NCKAP1: variants seen among roughly 807,000 people sequenced by gnomAD.
The protein encoded by NCKAP1 is NCK associated protein 1, also known as nck-associated protein 1.
A neutral mutation model predicts 151.2 loss-of-function variants in NCKAP1; 21 were observed. The ratio of observed to expected loss-of-function variants is 0.14; its 90% confidence interval spans 0.10 to 0.20. The LOEUF is 0.20. Ranked by LOEUF, NCKAP1 falls within the 10% of genes least tolerant of loss-of-function variation. The pLI is 1.00. For missense variants in NCKAP1, 933 were observed against 1,352.1 expected, an observed-to-expected ratio of 0.69 and a Z score of 4.86; for synonymous variants, 484 against 451.8, an observed-to-expected ratio of 1.07 and a Z score of -0.90.
At position 182,917,747 on chromosome 2, in the gene NCKAP1, T is replaced by G. The variant is rs1696490645; in HGVS notation, c.*7955A>C. 1 of 152,228 alleles carries G rather than the reference T, an allele frequency of 6.6e-6. No individual in the cohort carries two copies. The highest frequency in any genetic ancestry group is 1.5e-5 in the Non-Finnish European group (1 of 68,038). 9.4% of individuals were successfully genotyped at this position (152,228 alleles called of 1,614,324 possible). A position where few individuals can be genotyped will look rare whatever the true frequency, so the allele number is the denominator to read the frequency against. On this transcript the variant is annotated 3_prime_UTR_variant, in exon 31 of 31. Coordinates refer to ENST00000361354, the MANE Select transcript of NCKAP1 (RefSeq NM_013436.5). ...TTTTGTTAACATAGAGAGTAAGTAC[T>G]GTGTGAGCTTGAGATTTAAAACTAA...
chr2:182,977,503 A>G (rs1697850001), intron 14 of NCKAP1, among the ~76,000 whole-genome samples: 1 of 152,184 alleles, frequency 6.6e-6, no homozygotes, highest in Non-Finnish European at 1.5e-5. Context: ...AATAAAATAA[A>G]TAAATATCAT....
intron 23 of NCKAP1, among the ~76,000 whole-genome samples, chr2:182,946,299 C>G (rs1367382469): frequency 3.3e-5 from 5 of 152,000 alleles, no homozygotes; most frequent in Admixed American, 2.0e-4. Flanking sequence ...ACTCAGGAGG[C>G]TGAGCCAGGA....
At chr2:183,018,003 C>T (rs1347012723) in intron 2 of NCKAP1, among the ~76,000 whole-genome samples, 1 of 152,068 alleles carries the variant, frequency 6.6e-6, no homozygotes, top group Non-Finnish European at 1.5e-5. Flanking sequence ...TAATCCAGCA[C>T]TTTGGGAGGC....
At chr2:182,943,231 A>G (rs768709235) in intron 23 of NCKAP1, among the ~76,000 whole-genome samples, 28 of 152,156 alleles carry the variant, frequency 1.8e-4, no homozygotes, top group Non-Finnish European at 3.5e-4. Flanking sequence ...AAGGTGCAGC[A>G]AGCATATAAA....
intron 7 of NCKAP1, 150 bp downstream of exon 7, chr2:182,995,551 G>T: frequency 1.5e-6 from 1 of 654,582 alleles, no homozygotes; most frequent in Non-Finnish European, 2.4e-6. Flanking sequence ...TAAAAAATCT[G>T]AACAATATGA....
At position 182,910,772 on chromosome 2, in the gene NCKAP1, ACTC is replaced by A. The variant is rs532473297; in HGVS notation, c.*14927_*14929del. The A allele has an allele frequency of 5.3e-5, 8 of 152,140 alleles. No homozygotes were observed. In the South Asian group the frequency reaches 1.7e-3, roughly 32 times the overall value. The allele number at this position is 152,140 out of a possible 1,614,324, so 9.4% of individuals were successfully genotyped here. A position where few individuals can be genotyped will look rare whatever the true frequency, so the allele number is the denominator to read the frequency against. ...CCTGGCAATGCAATCTAATTTCTTC[ACTC>A]CTCATCTTGAGGGGTAAGTGGGCAA... On this transcript the variant is annotated 3_prime_UTR_variant, in exon 31 of 31. Coordinates refer to ENST00000361354, the MANE Select transcript of NCKAP1 (RefSeq NM_013436.5).
chr2:182,990,201 T>C (rs908256752), intron 8 of NCKAP1, among the ~76,000 whole-genome samples: 3 of 150,978 alleles, frequency 2.0e-5, no homozygotes, highest in Non-Finnish European at 3.0e-5. Context: ...GTATTCTTTC[T>C]TTTTTTTTCT....
chr2:183,013,076 T>C (rs983334084), intron 2 of NCKAP1, among the ~76,000 whole-genome samples: 6 of 152,150 alleles, frequency 3.9e-5, no homozygotes, highest in Non-Finnish European at 7.3e-5. Flanking sequence ...TTCATGATCA[T>C]TGACCACAAC....
At chr2:182,943,792 G>A (rs1264974942) in intron 23 of NCKAP1, among the ~76,000 whole-genome samples, 1 of 152,104 alleles carries the variant, frequency 6.6e-6, no homozygotes, top group Non-Finnish European at 1.5e-5. Flanking sequence ...AATTAAGGTA[G>A]GTAATATTCC....
chr2:182,996,520 C>A (rs1367612088), intron 6 of NCKAP1, among the ~76,000 whole-genome samples: 6 of 151,924 alleles, frequency 3.9e-5, no homozygotes, highest in Non-Finnish European at 5.9e-5. Context: ...TGCAGTGGTG[C>A]GATCTCAGCT....
intron 27 of NCKAP1, 129 bp downstream of exon 27, chr2:182,930,566 T>C (rs1696742303): frequency 2.9e-6 from 2 of 699,458 alleles, no homozygotes; most frequent in African/African-American, 3.6e-5. Context: ...GTACCAGCAA[T>C]AATAATAACA....
chr2:183,029,614 A>C (rs151193028), intron 1 of NCKAP1, among the ~76,000 whole-genome samples: 5 of 152,028 alleles, frequency 3.3e-5, no homozygotes, highest in Admixed American at 2.6e-4. Context: ...TGGAGCCCAC[A>C]AGTTTGAGAC....
chr2:183,012,668 A>G, intron 2 of NCKAP1, among the ~76,000 whole-genome samples: 1 of 146,650 alleles, frequency 6.8e-6, no homozygotes, highest in Non-Finnish European at 1.5e-5. Flanking sequence ...CCCAGAGTGT[A>G]GTGGCATGAT....
intron 24 of NCKAP1, among the ~76,000 whole-genome samples, chr2:182,939,980 A>G (rs1228275233): frequency 3.9e-5 from 6 of 152,228 alleles, no homozygotes; most frequent in Non-Finnish European, 8.8e-5. Context: ...ATTATACACA[A>G]AATTCAAGTA....
rs74808392 is a variant in NCKAP1 at position 182,979,372 on chromosome 2, T to C, written c.1342-457A>G. 4.3e-3 allele frequency among the ~76,000 whole-genome samples: 652 copies of C among 152,222 alleles called. 5 individuals are homozygous for C. The highest frequency in any genetic ancestry group is 0.015 in the African/African-American group (636 of 41,580). On this transcript the variant is annotated intron_variant, in intron 13 of 30. Transcript: ENST00000361354. ...ATTTACAACATGCACTAAAAATGAATGATTTTTGTTGTCTGTATGTTAGGC... is the reference window on the plus strand; with the variant it reads ...ATTTACAACATGCACTAAAAATGAACGATTTTTGTTGTCTGTATGTTAGGC...
In NCKAP1 at chr2:182,957,629, C is replaced by T. The variant is rs374095803; in HGVS notation, c.1882-33G>A. 52 of 1,601,560 alleles carry T rather than the reference C, an allele frequency of 3.2e-5. No individual in the cohort carries two copies. The African/African-American group carries it at 6.7e-4, about 21-fold the overall frequency. On this transcript the variant is annotated intron_variant, in intron 18 of 30. Coordinates refer to ENST00000361354, the MANE Select transcript of NCKAP1 (RefSeq NM_013436.5). ...TAGAAAAGAATGAAATCTTACATTACACCAATTACTCTGAAAGCATACTAA... is the reference window on the plus strand; with the variant it reads ...TAGAAAAGAATGAAATCTTACATTATACCAATTACTCTGAAAGCATACTAA...
At position 182,923,095 on chromosome 2, in the gene NCKAP1, A is replaced by G. The variant is rs1448462157; in HGVS notation, c.*2607T>C. The G allele has an allele frequency of 6.6e-6, 1 of 152,246 alleles. No individual in the cohort carries two copies. Among genetic ancestry groups the G allele is most frequent in the Non-Finnish European group, 1.5e-5 (1 of 68,036 alleles). 9.4% of individuals were successfully genotyped at this position (152,246 alleles called of 1,614,324 possible). ...GGGTCACCTTTTTGCTCACCATTAC[A>G]TGCAGGCATCTAAAAATACTTGCTT... On this transcript the variant is annotated 3_prime_UTR_variant, in exon 31 of 31. Coordinates refer to ENST00000361354, the MANE Select transcript of NCKAP1 (RefSeq NM_013436.5).
intron 21 of NCKAP1, 72 bp downstream of exon 21, chr2:182,953,040 CA>C (rs1697246131): frequency 1.4e-6 from 2 of 1,477,516 alleles, no homozygotes; most frequent in Non-Finnish European, 9.1e-7. Flanking sequence ...TACTTATTCA[CA>C]AAAAAATTAA....
intron 16 of NCKAP1, among the ~76,000 whole-genome samples, 153 bp from the exon 17 acceptor site, chr2:182,964,961 A>G (rs1351553833): frequency 1.3e-5 from 2 of 152,354 alleles, no homozygotes; most frequent in African/African-American, 2.4e-5. Flanking sequence ...TCTTTTACAC[A>G]CCAATAATTA....
Sources: gnomAD v4.1 joint callset for allele counts (sites outside exome capture counted in the v4.1 genomes callset) on GRCh38, gnomAD v4.1.1 for gene constraint, MANE v1.5 for transcripts, NCBI Gene and HGNC (gene_info 2026-07-23, HGNC 2026-07-21) for gene names.